ZFYVE9: variants seen among roughly 807,000 people sequenced by gnomAD.
The protein encoded by ZFYVE9 is zinc finger FYVE-type containing 9.
Under a neutral mutation model 126.7 loss-of-function variants are expected in ZFYVE9, and 43 were observed. The observed-to-expected ratio is 0.34, with a 90% confidence interval of 0.27 to 0.44. The LOEUF (loss-of-function observed/expected upper bound fraction) is 0.44, where lower values mean the gene tolerates loss of function less well. ZFYVE9 is among the 20% of genes least tolerant of loss of function. The probability of loss-of-function intolerance (pLI) is 1.00; values close to 1 mark genes in which losing one functional copy is unlikely to be tolerated. For synonymous variants in ZFYVE9, 521 were observed against 597.4 expected (o/e 0.87, Z 1.87); for missense variants, 1,476 against 1,697.0 (o/e 0.87, Z 2.29).
intron 7 of ZFYVE9, 81 bp from the exon 8 acceptor site, chr1:52,274,383 T>C (rs1645724479): frequency 1.6e-5 from 23 of 1,442,082 alleles, no homozygotes; most frequent in Non-Finnish European, 2.1e-5. Flanking sequence ...TTCACTTAAG[T>C]TCCCATTTGT....
intron 12 of ZFYVE9, among the ~76,000 whole-genome samples, chr1:52,297,161 T>G (rs117309872): frequency 0.014 from 2,147 of 152,052 alleles, 71 homozygotes; most frequent in East Asian, 0.12. Context: ...CCTAACTACC[T>G]AATGGGGCTA....
At chr1:52,222,985 C>G (rs777663314) in intron 2 of ZFYVE9, among the ~76,000 whole-genome samples, 1 of 152,150 alleles carries the variant, frequency 6.6e-6, no homozygotes, top group Non-Finnish European at 1.5e-5. Context: ...CCCCTATAAA[C>G]CCTGAGACAG....
chr1:52,259,160 C>G (rs1645552953), intron 4 of ZFYVE9, among the ~76,000 whole-genome samples: 1 of 152,056 alleles, frequency 6.6e-6, no homozygotes, highest in Admixed American at 6.6e-5. Flanking sequence ...GTTTGTAGAT[C>G]GACATCTTCA....
intron 1 of ZFYVE9, among the ~76,000 whole-genome samples, chr1:52,194,738 G>A (rs1412106821): frequency 1.3e-5 from 2 of 152,064 alleles, no homozygotes; most frequent in Non-Finnish European, 2.9e-5. Flanking sequence ...GATATTTATT[G>A]CACGTTAAAG....
Position 52,232,802 on chromosome 1 carries a change from G to A in ZFYVE9, c.-36-369G>A, listed in dbSNP as rs574688213. 2.7e-5 allele frequency among the ~76,000 whole-genome samples: 4 copies of A among 146,324 alleles called. No homozygotes were observed. In the East Asian group the frequency reaches 8.0e-4, roughly 29 times the overall value. On this transcript the variant is annotated intron_variant, in intron 2 of 18. Coordinates refer to ENST00000287727, the MANE Select transcript of ZFYVE9 (RefSeq NM_004799.4). ...CATTAGCATTTTGGAACTAGTATCC[G>A]TTACTCCTGTACTTAAACTTCCCTG...
At chr1:52,340,916 A>C (rs1397378043) in intron 17 of ZFYVE9, among the ~76,000 whole-genome samples, 18 of 130,824 alleles carry the variant, frequency 1.4e-4, no homozygotes, top group South Asian at 2.3e-4. Flanking sequence ...AAAAAAAAAA[A>C]AAAAAAAAAA....
At chr1:52,222,354 AG>A in intron 2 of ZFYVE9, among the ~76,000 whole-genome samples, 1 of 152,338 alleles carries the variant, frequency 6.6e-6, no homozygotes, top group Middle Eastern at 3.4e-3. Context: ...TCCTACTCAA[AG>A]GCAAACATGT....
At position 52,335,894 on chromosome 1, in the gene ZFYVE9, G is replaced by T. The variant is rs183962605; in HGVS notation, c.3670+1126G>T. ...CACGCCTGTAATCTCAGCACTTTGG[G>T]AGGCCGAGGGGGGCAGATCACTTGA... is the stretch of plus-strand genomic sequence containing the variant. On this transcript the variant is annotated intron_variant, in intron 15 of 18. Coordinates refer to ENST00000287727, the MANE Select transcript of ZFYVE9 (RefSeq NM_004799.4). Among the ~76,000 whole-genome samples, 139 of 152,286 alleles carry T rather than the reference G, an allele frequency of 9.1e-4. 1 individual carries two copies. The highest frequency in any genetic ancestry group is 1.7e-3 in the Non-Finnish European group (113 of 68,020).
chr1:52,295,765 T>C, intron 11 of ZFYVE9, 130 bp from the exon 12 acceptor site: 1 of 700,056 alleles, frequency 1.4e-6, no homozygotes, highest in Non-Finnish European at 2.4e-6. Flanking sequence ...AAATACTTTT[T>C]GAGCCCAAAA....
chr1:52,306,988 C>G (rs1212608235), intron 13 of ZFYVE9, among the ~76,000 whole-genome samples: 1 of 152,168 alleles, frequency 6.6e-6, no homozygotes, highest in East Asian at 1.9e-4. Flanking sequence ...GCCTGCCAGG[C>G]TGAGTGGCCG....
chr1:52,179,085 T>C (rs1252094380), intron 1 of ZFYVE9, among the ~76,000 whole-genome samples: 1 of 152,184 alleles, frequency 6.6e-6, no homozygotes, highest in Non-Finnish European at 1.5e-5. Context: ...ATTATAGATG[T>C]GAGACACTGT....
intron 2 of ZFYVE9, among the ~76,000 whole-genome samples, chr1:52,231,611 T>C (rs1166197630): frequency 6.6e-6 from 1 of 152,084 alleles, no homozygotes; most frequent in African/African-American, 2.4e-5. Flanking sequence ...ACCAAGTTAA[T>C]AATCATGGGA....
chr1:52,227,320 C>CATT, intron 2 of ZFYVE9, among the ~76,000 whole-genome samples: 1 of 152,024 alleles, frequency 6.6e-6, no homozygotes, highest in Non-Finnish European at 1.5e-5. Flanking sequence ...AAGATAGTGC[C>CATT]CTCTTTTCTG....
intron 1 of ZFYVE9, among the ~76,000 whole-genome samples, chr1:52,165,146 C>CTAT (rs1404845728): frequency 2.6e-5 from 4 of 151,854 alleles, no homozygotes; most frequent in Non-Finnish European, 5.9e-5. Context: ...TGGTATTGAA[C>CTAT]AATAGTAACA....
intron 4 of ZFYVE9, among the ~76,000 whole-genome samples, chr1:52,261,535 A>G (rs1221452822): frequency 6.6e-6 from 1 of 152,228 alleles, no homozygotes; most frequent in African/African-American, 2.4e-5. Context: ...GTACATAGTA[A>G]GAGTTCATAT....
intron 18 of ZFYVE9, chr1:52,345,589 A>G (rs1356262903): frequency 6.5e-6 from 1 of 154,380 alleles, no homozygotes; most frequent in Non-Finnish European, 1.4e-5. Flanking sequence ...TCTGCTAAAT[A>G]TGTGAGCCTC....
At chr1:52,303,258 G>A (rs1016482758) in intron 12 of ZFYVE9, among the ~76,000 whole-genome samples, 1 of 152,060 alleles carries the variant, frequency 6.6e-6, no homozygotes, top group Admixed American at 6.6e-5. Flanking sequence ...GTTAAAACAG[G>A]TCAAAAGCCT....
chr1:52,239,388 C>T lies in ZFYVE9; in HGVS notation c.1971C>T (p.Ser657=). 1.2e-6 allele frequency: 2 copies of T among 1,614,164 alleles called. No individual in the cohort carries two copies. The highest frequency in any genetic ancestry group is 1.7e-6 in the Non-Finnish European group (2 of 1,180,020). ...EHLESYEAEI[S]TRPCLALAPD... ...TAGAAAGTTATGAGGCTGAGATCTC[C>T]ACTAGACCATGCCTTGCATTAGCTC... The change falls in exon 4 of 19, where the codon TCC becomes TCT. Residue 657 remains serine (S), a synonymous_variant. Coordinates refer to ENST00000287727, the MANE Select transcript of ZFYVE9 (RefSeq NM_004799.4).
In ZFYVE9 at chr1:52,237,513, G is replaced by C; in HGVS notation, c.96G>C (p.Leu32Phe). 5.0e-6 allele frequency: 8 copies of C among 1,608,928 alleles called. No homozygotes were observed. The highest frequency in any genetic ancestry group is 6.8e-6 in the Non-Finnish European group (8 of 1,176,706). The change falls in exon 4 of 19, where the codon TTG (leucine) becomes TTC (phenylalanine). Residue 32 changes from leucine (L) to phenylalanine (F), a missense_variant. Leu to Phe is a conservative substitution (Grantham distance 22). Coordinates refer to ENST00000287727, the MANE Select transcript of ZFYVE9 (RefSeq NM_004799.4). ...ATGAAACAGTTTCTTCTACTTTATT[G>C]GATACAAAGTGGAATAAGATTCTAG... Reference protein sequence around the residue: ...NEDETVSSTLLDTKWNKILDP... With the variant: ...NEDETVSSTLFDTKWNKILDP...
Sources: gnomAD v4.1 joint callset for allele counts (sites outside exome capture counted in the v4.1 genomes callset) on GRCh38, gnomAD v4.1.1 for gene constraint, MANE v1.5 for transcripts, NCBI Gene and HGNC (gene_info 2026-07-23, HGNC 2026-07-21) for gene names.